The following MBNL2 variants were observed in gnomAD, a reference collection of about 807,000 sequenced individuals.
MBNL2 encodes muscleblind-like protein 2.
Under a neutral mutation model 41.9 loss-of-function variants are expected in MBNL2, and 17 were observed. The ratio of observed to expected loss-of-function variants is 0.41; its 90% CI spans 0.28 to 0.61. The LOEUF is 0.61. Among genes scored for constraint, MBNL2 ranks in the 20% least tolerant of loss-of-function variants. The pLI is 0.35. For missense variants in MBNL2, 336 were observed against 505.6 expected, an observed-to-expected ratio of 0.66 and a Z score of 3.22; for synonymous variants, 195 against 182.9, an observed-to-expected ratio of 1.07 and a Z score of -0.53.
chr13:97,389,591 A>T (rs1298722244), intron 8 of MBNL2, among the ~76,000 whole-genome samples: 1 of 152,062 alleles, frequency 6.6e-6, no homozygotes, highest in Non-Finnish European at 1.5e-5. Context: ...TTGTAGTCCC[A>T]GCTACTCAGG....
chr13:97,151,484 A>G, the MBNL2 span, among the ~76,000 whole-genome samples: 3,309 of 152,244 alleles, frequency 0.022, 62 homozygotes, highest in South Asian at 0.087. Context: ...ATGTTTCACT[A>G]TCAGCTTGGA....
intron 1 of MBNL2, among the ~76,000 whole-genome samples, chr13:97,231,024 A>G (rs2042308046): frequency 6.6e-6 from 1 of 152,234 alleles, no homozygotes; most frequent in African/African-American, 2.4e-5. Flanking sequence ...TGGGGATGTT[A>G]CTGGTTAGAA....
chr13:97,290,087 C>T (rs1351300810), intron 2 of MBNL2, among the ~76,000 whole-genome samples: 2 of 152,204 alleles, frequency 1.3e-5, no homozygotes, highest in African/African-American at 4.8e-5. Context: ...TGCAATCCCT[C>T]ATGGAGTTCC....
intron 1 of MBNL2, among the ~76,000 whole-genome samples, chr13:97,256,375 C>G (rs577592950): frequency 6.6e-6 from 1 of 150,470 alleles, no homozygotes; most frequent in African/African-American, 2.5e-5. Context: ...AATATTGGAA[C>G]TACTATTTGT....
chr13:97,162,358 T>A, the MBNL2 span, among the ~76,000 whole-genome samples: 3 of 152,272 alleles, frequency 2.0e-5, no homozygotes, highest in African/African-American at 7.2e-5. Context: ...AAGAGACGGC[T>A]TACTGGATTG....
intron 1 of MBNL2, among the ~76,000 whole-genome samples, chr13:97,262,405 C>A (rs566305271): frequency 6.6e-6 from 1 of 152,232 alleles, no homozygotes; most frequent in Non-Finnish European, 1.5e-5. Context: ...TCTTGAAACT[C>A]TGAACCTTTC....
At position 97,392,221 on chromosome 13, in the gene MBNL2, A is replaced by G. The variant is rs1000288644; in HGVS notation, c.*772A>G. The G allele has an allele frequency of 6.6e-5, 10 of 152,618 alleles. No individual in the cohort carries two copies. The highest frequency in any genetic ancestry group is 6.5e-4 in the Admixed American group (10 of 15,268). The allele number at this position is 152,618 out of a possible 1,614,324, so 9.5% of individuals were successfully genotyped here. A position where few individuals can be genotyped will look rare whatever the true frequency, so the allele number is the denominator to read the frequency against. ...GTCTAATCTAAGAGATTAGTCTTTC[A>G]AACTCACCATCCAGTTGCCTGTTAC... is the stretch of plus-strand genomic sequence containing the variant. On this transcript the variant is annotated 3_prime_UTR_variant, in exon 9 of 9. Transcript: ENST00000679496.
intron 5 of MBNL2, among the ~76,000 whole-genome samples, chr13:97,348,586 G>A (rs929461622): frequency 6.6e-6 from 1 of 152,112 alleles, no homozygotes; most frequent in African/African-American, 2.4e-5. Context: ...AAATCAGTCA[G>A]GTTTCCTTGC....
chr13:97,273,476 G>T (rs760560368), intron 1 of MBNL2, among the ~76,000 whole-genome samples: 1 of 152,170 alleles, frequency 6.6e-6, no homozygotes, highest in Non-Finnish European at 1.5e-5. Context: ...TGTGAATGCA[G>T]CGTTGCCAAA....
intron 1 of MBNL2, among the ~76,000 whole-genome samples, chr13:97,262,163 CAG>C (rs2048761943): frequency 6.6e-6 from 1 of 152,236 alleles, no homozygotes; most frequent in Non-Finnish European, 1.5e-5. Context: ...GACTTCAGAG[CAG>C]AGAGTGCAAT....
chr13:97,229,873 G>C (rs761836061), intron 1 of MBNL2, among the ~76,000 whole-genome samples: 1 of 152,186 alleles, frequency 6.6e-6, no homozygotes, highest in Non-Finnish European at 1.5e-5. Flanking sequence ...TGATGTCACC[G>C]GCTAGAAAAC....
chr13:97,222,775 T>C (rs920722974), intron 1 of MBNL2, among the ~76,000 whole-genome samples: 1 of 152,334 alleles, frequency 6.6e-6, no homozygotes, highest in South Asian at 2.1e-4. Context: ...AATCGATTCA[T>C]TTATTATATT....
At chr13:97,162,716 G>A in the MBNL2 span, among the ~76,000 whole-genome samples, 1 of 152,182 alleles carries the variant, frequency 6.6e-6, no homozygotes, top group Non-Finnish European at 1.5e-5. Flanking sequence ...GCACAGACTG[G>A]CTGGAGTTAA....
the MBNL2 span, among the ~76,000 whole-genome samples, chr13:97,211,296 G>A: frequency 3.9e-5 from 6 of 152,156 alleles, no homozygotes; most frequent in Non-Finnish European, 5.9e-5. Flanking sequence ...ATTTGTAAGT[G>A]ATTAGGCTTG....
intron 1 of MBNL2, among the ~76,000 whole-genome samples, chr13:97,249,419 G>T (rs759009232): frequency 5.7e-4 from 87 of 152,246 alleles, no homozygotes; most frequent in Non-Finnish European, 8.4e-4. Context: ...ATTTTCTGAT[G>T]ATAAAATACT....
intron 8 of MBNL2, among the ~76,000 whole-genome samples, chr13:97,391,018 A>T (rs1267257324): frequency 6.6e-6 from 1 of 152,196 alleles, no homozygotes; most frequent in African/African-American, 2.4e-5. Flanking sequence ...GCTATAAAGC[A>T]AAAATTTTAA....
At chr13:97,369,110 T>A (rs1447134992) in intron 8 of MBNL2, among the ~76,000 whole-genome samples, 1 of 152,212 alleles carries the variant, frequency 6.6e-6, no homozygotes, top group Admixed American at 6.5e-5. Context: ...ATATTCTTTA[T>A]GTATTTTCAA....
chr13:97,287,130 G>A (rs1251220748), intron 2 of MBNL2, among the ~76,000 whole-genome samples: 1 of 152,142 alleles, frequency 6.6e-6, no homozygotes, highest in African/African-American at 2.4e-5. Context: ...TACAAAGAAG[G>A]CTCTTTGGTT....
At chr13:97,377,534 A>G (rs145879803) in intron 8 of MBNL2, among the ~76,000 whole-genome samples, 1 of 152,332 alleles carries the variant, frequency 6.6e-6, no homozygotes, top group East Asian at 1.9e-4. Flanking sequence ...AGTCAAACCT[A>G]ATTCCCTCCT....
Sources: allele counts gnomAD v4.1 joint callset (sites outside exome capture counted in the v4.1 genomes callset), GRCh38; gene constraint gnomAD v4.1.1; transcripts MANE v1.5; gene names NCBI Gene and HGNC (gene_info 2026-07-23, HGNC 2026-07-21).